Variants in LRRIQ1 observed in about 807,000 individuals in gnomAD.
LRRIQ1 encodes the protein leucine-rich repeat- and IQ domain-containing protein 1.
Under a neutral mutation model 211.9 loss-of-function variants are expected in LRRIQ1, and 210 were observed. The ratio of observed to expected loss-of-function variants is 0.99; its 90% confidence interval spans 0.89 to 1.11. The LOEUF (loss-of-function observed/expected upper bound fraction) is 1.11. LRRIQ1 is among the 50% of genes most tolerant of loss of function. The pLI, the probability that LRRIQ1 is intolerant of heterozygous loss-of-function variation, is 0.00. For missense variants in LRRIQ1, 2,136 were observed against 1,939.5 expected (o/e 1.10, Z -1.90); for synonymous variants, 699 against 650.1 (o/e 1.08, Z -1.14).
chr12:85,196,275 C>G (rs1031662779), intron 24 of LRRIQ1, among the ~76,000 whole-genome samples: 5 of 151,930 alleles, frequency 3.3e-5, no homozygotes, highest in African/African-American at 1.2e-4. Flanking sequence ...AGATTCAATG[C>G]CATCCCCATC....
At chr12:85,236,295 G>A (rs183261099) in intron 26 of LRRIQ1, among the ~76,000 whole-genome samples, 2 of 152,186 alleles carry the variant, frequency 1.3e-5, no homozygotes, top group African/African-American at 4.8e-5. Context: ...TTTCTATTAA[G>A]GATTTTATAG....
chr12:85,181,607 A>G (rs908205101), intron 24 of LRRIQ1, among the ~76,000 whole-genome samples: 1 of 152,004 alleles, frequency 6.6e-6, no homozygotes, highest in African/African-American at 2.4e-5. Context: ...TTTATGTACC[A>G]TAAAGTCAAC....
intron 15 of LRRIQ1, among the ~76,000 whole-genome samples, chr12:85,116,344 T>C (rs540302014): frequency 2.5e-4 from 38 of 152,116 alleles, no homozygotes; most frequent in Admixed American, 5.9e-4. Flanking sequence ...CGGGGTTTCA[T>C]TGTGTTAGCC....
intron 13 of LRRIQ1, among the ~76,000 whole-genome samples, chr12:85,102,379 T>C (rs1886411672): frequency 6.6e-6 from 1 of 151,760 alleles, no homozygotes; most frequent in Non-Finnish European, 1.5e-5. Context: ...TCAGTGTATG[T>C]AATGGCCAAT....
chr12:85,045,628 C>T (rs996302508), intron 4 of LRRIQ1, among the ~76,000 whole-genome samples: 6 of 151,698 alleles, frequency 4.0e-5, no homozygotes, highest in Middle Eastern at 6.8e-3. Flanking sequence ...AGTTCTCTTT[C>T]GTATCATATA....
intron 11 of LRRIQ1, among the ~76,000 whole-genome samples, chr12:85,091,173 T>C (rs1371092933): frequency 6.6e-6 from 1 of 152,194 alleles, no homozygotes; most frequent in Non-Finnish European, 1.5e-5. Context: ...GCTGAGAAGA[T>C]GCCAGCACCA....
chr12:85,199,030 G>C (rs1893160244), intron 24 of LRRIQ1, among the ~76,000 whole-genome samples: 1 of 152,138 alleles, frequency 6.6e-6, no homozygotes. Flanking sequence ...TGGAGGCACA[G>C]TTGGCAAGTA....
chr12:85,109,034 C>T (rs1049544574), intron 15 of LRRIQ1, among the ~76,000 whole-genome samples: 3 of 151,994 alleles, frequency 2.0e-5, no homozygotes. Flanking sequence ...AATTTTTGCC[C>T]TGATTTGGTT....
At chr12:85,238,890 A>G (rs1377805498) in intron 26 of LRRIQ1, among the ~76,000 whole-genome samples, 2 of 152,152 alleles carry the variant, frequency 1.3e-5, no homozygotes, top group Admixed American at 1.3e-4. Flanking sequence ...CCTCACAAAC[A>G]GTTTAGACAT....
At position 85,052,096 on chromosome 12, in the gene LRRIQ1, T is replaced by C. The variant is rs566078645; in HGVS notation, c.679-81T>C. The C allele has an allele frequency of 1.2e-5, 10 of 803,910 alleles. No individual in the cohort carries two copies. The Admixed American group carries it at 2.6e-4, about 21-fold the overall frequency. The allele number at this position is 803,910 out of a possible 1,614,324, so 49.8% of individuals were successfully genotyped here. A position where few individuals can be genotyped will look rare whatever the true frequency, so the allele number is the denominator to read the frequency against. On this transcript the variant is annotated intron_variant, in intron 6 of 26. Transcript: ENST00000393217. ...CAGCTTTAACTATTGTTTACAAATATATGTTATGAGAATCATATATAATTA... is the reference window on the plus strand; with the variant it reads ...CAGCTTTAACTATTGTTTACAAATACATGTTATGAGAATCATATATAATTA...
chr12:85,121,587 G>A, intron 15 of LRRIQ1, 110 bp from the exon 16 acceptor site: 1 of 748,594 alleles, frequency 1.3e-6, no homozygotes, highest in Non-Finnish European at 1.9e-6. Context: ...CACATTTTCT[G>A]AGATATATAT....
chr12:85,260,339 C>A (rs1896249299), intron 1 of LRRIQ1, among the ~76,000 whole-genome samples: 2 of 151,668 alleles, frequency 1.3e-5, no homozygotes, highest in South Asian at 4.2e-4. Flanking sequence ...ATGAAGAAAA[C>A]CCTGAAGACA....
intron 18 of LRRIQ1, among the ~76,000 whole-genome samples, chr12:85,133,899 C>T (rs1321703592): frequency 1.3e-5 from 2 of 152,060 alleles, no homozygotes; most frequent in Admixed American, 1.3e-4. Context: ...TATTAATAAG[C>T]ATAATTAAGG....
chr12:85,073,174 C>A, intron 11 of LRRIQ1, 76 bp downstream of exon 11: 2 of 941,370 alleles, frequency 2.1e-6, no homozygotes, highest in Non-Finnish European at 3.1e-6. Flanking sequence ...TGGATCTAGG[C>A]AGTCACCATC....
At chr12:85,068,037 T>G (rs57193561) in intron 10 of LRRIQ1, among the ~76,000 whole-genome samples, 2,496 of 152,084 alleles carry the variant, frequency 0.016, 68 homozygotes, top group African/African-American at 0.058. Flanking sequence ...ATTGTATTAT[T>G]CACCTCCTGG....
At chr12:85,115,730 T>C (rs1380906053) in intron 15 of LRRIQ1, among the ~76,000 whole-genome samples, 1 of 152,188 alleles carries the variant, frequency 6.6e-6, no homozygotes, top group East Asian at 1.9e-4. Flanking sequence ...GAACAACTTT[T>C]GTGTAGTAAC....
Position 85,055,628 on chromosome 12 carries a change from T to A in LRRIQ1, c.835T>A (p.Leu279Met), listed in dbSNP as rs1347232360. 1.3e-6 allele frequency: 2 copies of A among 1,574,310 alleles called. No individual in the cohort carries two copies. Among genetic ancestry groups the A allele is most frequent in the Non-Finnish European group, 1.7e-6 (2 of 1,168,392 alleles). The change falls in exon 8 of 27, where the codon TTG (leucine) becomes ATG (methionine). Residue 279 changes from leucine (L) to methionine (M), a missense_variant. Coordinates refer to ENST00000393217, the MANE Select transcript of LRRIQ1 (RefSeq NM_001079910.2). Reference sequence around the variant, plus strand: ...CCAACAAGAAAAAGAAAAAAATTCTTTGTTAAAACAGCAGAATAATGCAGC... The same window carrying A: ...CCAACAAGAAAAAGAAAAAAATTCTATGTTAAAACAGCAGAATAATGCAGC... ...KDQQEKEKNS[L>M]LKQQNNAAVK...
chr12:85,053,998 C>T (rs1880665625), intron 7 of LRRIQ1, among the ~76,000 whole-genome samples: 1 of 152,184 alleles, frequency 6.6e-6, no homozygotes, highest in Non-Finnish European at 1.5e-5. Context: ...TATTACCACC[C>T]TTAACAATGT....
chr12:85,244,984 C>A lies in LRRIQ1; in HGVS notation c.*43C>A. On this transcript the variant is annotated 3_prime_UTR_variant, in exon 27 of 27. Coordinates refer to ENST00000393217, the MANE Select transcript of LRRIQ1 (RefSeq NM_001079910.2). ...ATGGAACCTAATGCCAACAAGCATT[C>A]TTTTTCAGATAGGGGGTAGGATGCC... 1.3e-6 allele frequency: 2 copies of A among 1,594,436 alleles called. No individual in the cohort carries two copies. Among genetic ancestry groups the A allele is most frequent in the Non-Finnish European group, 1.7e-6 (2 of 1,168,640 alleles).
Sources: allele counts gnomAD v4.1 joint callset (sites outside exome capture counted in the v4.1 genomes callset), GRCh38; gene constraint gnomAD v4.1.1; transcripts MANE v1.5; gene names NCBI Gene and HGNC (gene_info 2026-07-23, HGNC 2026-07-21).